Variants in NOMO2 observed in about 807,000 individuals in gnomAD.
NOMO2 encodes NODAL modulator 2, also known as BOS complex subunit NOMO2.
In NOMO2, 14 loss-of-function variants were observed where a neutral mutation model predicts 67.1. That is an observed-to-expected ratio of 0.21 (90% CI 0.14 to 0.33). The LOEUF (loss-of-function observed/expected upper bound fraction) is 0.33. Ranked by LOEUF, NOMO2 falls within the 10% of genes least tolerant of loss-of-function variation. The pLI is 1.00. For synonymous variants in NOMO2, 80 were observed against 305.9 expected (o/e 0.26, Z 7.71); for missense variants, 178 against 761.0 (o/e 0.23, Z 9.01).
chr16:18,543,576 C>T (rs767127303), intron 7 of NOMO2, 41 bp downstream of exon 7: 8 of 1,610,740 alleles, frequency 5.0e-6, no homozygotes, highest in Non-Finnish European at 6.8e-6. Flanking sequence ...CCCCACCCTC[C>T]TACCCTTCAC....
intron 14 of NOMO2, among the ~76,000 whole-genome samples, chr16:18,530,657 G>A (rs1404800954): frequency 6.8e-6 from 1 of 148,118 alleles, no homozygotes; most frequent in African/African-American, 2.5e-5. Context: ...TTTTACAGAT[G>A]GGAAAACTGA....
At chr16:18,561,194 A>AAAAC (rs1555467957) in intron 1 of NOMO2, among the ~76,000 whole-genome samples, 2,535 of 136,960 alleles carry the variant, frequency 0.019, 63 homozygotes, top group East Asian at 0.073. Flanking sequence ...AAAAAAAAAA[A>AAAAC]AAAAAAAAAA....
chr16:18,554,079 G>T (rs538700333), intron 3 of NOMO2, among the ~76,000 whole-genome samples: 1 of 151,828 alleles, frequency 6.6e-6, no homozygotes, highest in Admixed American at 6.6e-5. Flanking sequence ...CCTCTCTTCT[G>T]ATCTCAACCC....
intron 4 of NOMO2, among the ~76,000 whole-genome samples, chr16:18,550,214 TA>T (rs1901749987): frequency 7.2e-5 from 2 of 27,862 alleles, no homozygotes; most frequent in East Asian, 1.4e-3. Context: ...AATAAAAATA[TA>T]AAAATTAGCT....
At chr16:18,561,173 T>TAAAAAAAAAAAA (rs756246897) in intron 1 of NOMO2, among the ~76,000 whole-genome samples, 19 of 32,444 alleles carry the variant, frequency 5.9e-4, no homozygotes, top group South Asian at 1.8e-3. Flanking sequence ...ACAACTTAAT[T>TAAAAAAAAAAAA]AAAAAAAAAA....
intron 28 of NOMO2, among the ~76,000 whole-genome samples, chr16:18,507,331 G>A (rs1212790201): frequency 7.1e-4 from 1 of 1,400 alleles, no homozygotes; most frequent in Non-Finnish European, 1.3e-3. Context: ...CAATTCTGAT[G>A]AGGGAGGTAC....
At chr16:18,561,396 G>A (rs913358480) in intron 1 of NOMO2, among the ~76,000 whole-genome samples, 7 of 149,812 alleles carry the variant, frequency 4.7e-5, no homozygotes, top group Non-Finnish European at 8.9e-5. Flanking sequence ...TTAAAATCAT[G>A]CCGCGGGGTT....
chr16:18,529,222 T>C (rs1901234532), intron 15 of NOMO2, among the ~76,000 whole-genome samples: 1 of 150,536 alleles, frequency 6.6e-6, no homozygotes, highest in African/African-American at 2.4e-5. Context: ...ACTAATAATA[T>C]AAAGCCAGTG....
At position 18,528,400 on chromosome 16, in the gene NOMO2, A is replaced by G. The variant is rs377410; in HGVS notation, c.1807-776T>C. Among the ~76,000 whole-genome samples the G allele has an allele frequency of 2.2e-3, 330 of 151,554 alleles. 1 individual carries two copies. Among genetic ancestry groups the G allele is most frequent in the Non-Finnish European group, 3.0e-3 (204 of 67,816 alleles). On this transcript the variant is annotated intron_variant, in intron 15 of 30. Transcript: ENST00000622306. ...ATCTCCTATAACAAATCGACCTGTC[A>G]AGTTTTTGTAATTAAGCAGTTAGGG...
chr16:18,547,696 A>G (rs569222721), intron 5 of NOMO2, among the ~76,000 whole-genome samples: 3 of 151,828 alleles, frequency 2.0e-5, no homozygotes, highest in African/African-American at 7.2e-5. Flanking sequence ...AACACATGGG[A>G]AGGGAGAAGT....
chr16:18,557,800 G>A lies in NOMO2; in HGVS notation c.166-9C>T, dbSNP rs559057130. 84 of 1,586,514 alleles carry A rather than the reference G, an allele frequency of 5.3e-5. No individual in the cohort carries two copies. In the South Asian group the frequency reaches 8.8e-4, roughly 17 times the overall value. Reference sequence around the variant, plus strand: ...TTGGTGTACAGCTTTATCTGGAAAGGAAGGAAGGAAAACAGAAATCATAAC... The same window carrying A: ...TTGGTGTACAGCTTTATCTGGAAAGAAAGGAAGGAAAACAGAAATCATAAC... On this transcript the variant is annotated splice_polypyrimidine_tract_variant and intron_variant, in intron 1 of 30. Transcript: ENST00000622306.
chr16:18,535,427 T>C (rs1042975843), intron 11 of NOMO2, among the ~76,000 whole-genome samples: 1 of 152,058 alleles, frequency 6.6e-6, no homozygotes, highest in Non-Finnish European at 1.5e-5. Flanking sequence ...GTTCAACAAA[T>C]GCTATTTTTC....
intron 4 of NOMO2, among the ~76,000 whole-genome samples, chr16:18,550,399 A>G (rs562695981): frequency 2.1e-3 from 322 of 150,524 alleles, no homozygotes; most frequent in African/African-American, 7.4e-3. Flanking sequence ...TAAAAATAAA[A>G]AAAGATTCAC....
At chr16:18,541,752 G>C (rs1392484611) in intron 9 of NOMO2, among the ~76,000 whole-genome samples, 1 of 142,654 alleles carries the variant, frequency 7.0e-6, no homozygotes, top group African/African-American at 2.6e-5. Flanking sequence ...TGAGGTGGGA[G>C]GATCACTTGA....
Position 18,561,903 on chromosome 16 carries a change from G to C in NOMO2, c.138C>G (p.Asp46Glu). 18 of 1,571,534 alleles carry C rather than the reference G, an allele frequency of 1.1e-5. No individual in the cohort carries two copies. Among genetic ancestry groups the C allele is most frequent in the Non-Finnish European group, 1.6e-5 (18 of 1,160,924 alleles). Residue 46 changes from aspartate to glutamate, a missense_variant, in exon 1 of 31, where the codon GAC (aspartate) becomes GAG (glutamate). Asp to Glu is a conservative substitution (Grantham distance 45, BLOSUM62 2). Coordinates refer to ENST00000622306, the MANE Select transcript of NOMO2 (RefSeq NM_173614.4). ...VVGCGGFVKS[D>E]VEINYSLIEI... Reference sequence around the variant, plus strand: ...CGATGAGCGAGTAGTTGATCTCCACGTCCGACTTGACGAAGCCACCGCAGC... The same window carrying C: ...CGATGAGCGAGTAGTTGATCTCCACCTCCGACTTGACGAAGCCACCGCAGC...
At chr16:18,547,487 G>A (rs574888752) in intron 5 of NOMO2, among the ~76,000 whole-genome samples, 187 bp from the exon 6 acceptor site, 1 of 151,996 alleles carries the variant, frequency 6.6e-6, no homozygotes, top group South Asian at 2.1e-4. Flanking sequence ...CGCTTATTGA[G>A]CACTTACTGT....
chr16:18,554,608 AG>A (rs1901863490), intron 3 of NOMO2, among the ~76,000 whole-genome samples, 198 bp downstream of exon 3: 1 of 142,664 alleles, frequency 7.0e-6, no homozygotes, highest in African/African-American at 2.6e-5. Context: ...CAAAGGTGAC[AG>A]AAAGTCTTAA....
At chr16:18,555,884 C>T (rs200190532) in intron 2 of NOMO2, among the ~76,000 whole-genome samples, 15,548 of 79,604 alleles carry the variant, frequency 0.2, 1,863 homozygotes, top group Non-Finnish European at 0.28. Flanking sequence ...GCTAGGATTA[C>T]AGGCATGAGC....
intron 7 of NOMO2, among the ~76,000 whole-genome samples, chr16:18,543,205 G>C (rs1388116292): frequency 6.9e-6 from 1 of 145,670 alleles, no homozygotes; most frequent in South Asian, 2.2e-4. Context: ...TTTTTTGAGA[G>C]TCTCACTCTG....
Sources: allele counts gnomAD v4.1 joint callset (sites outside exome capture counted in the v4.1 genomes callset), GRCh38; gene constraint gnomAD v4.1.1; transcripts MANE v1.5; gene names NCBI Gene and HGNC (gene_info 2026-07-23, HGNC 2026-07-21).